Variants in DIXDC1 observed in about 807,000 individuals in gnomAD.
DIXDC1 encodes dixin.
In DIXDC1, 64 loss-of-function variants were observed where a neutral mutation model predicts 103.1. The observed-to-expected ratio is 0.62, with a 90% CI of 0.51 to 0.76. The LOEUF (loss-of-function observed/expected upper bound fraction) is 0.76, where lower values mean the gene tolerates loss of function less well. Ranked by LOEUF, DIXDC1 falls within the 30% of genes least tolerant of loss-of-function variation. The probability of loss-of-function intolerance (pLI) is 0.00; values close to 1 mark genes in which losing one functional copy is unlikely to be tolerated. For synonymous variants in DIXDC1, 266 were observed against 298.5 expected (o/e 0.89, Z 1.12); for missense variants, 759 against 834.2 (o/e 0.91, Z 1.11).
At chr11:111,933,590 T>A (rs1298624875), upstream of DIXDC1, among the ~76,000 whole-genome samples, 1 of 150,644 alleles carries the variant, frequency 6.6e-6, no homozygotes, top group African/African-American at 2.4e-5. Flanking sequence ...CCACCATGAG[T>A]GGCTAATTTT....
chr11:111,980,886 A>C (rs1566523825), intron 6 of DIXDC1, 37 bp downstream of exon 6: 1 of 1,567,024 alleles, frequency 6.4e-7, no homozygotes, highest in Non-Finnish European at 8.8e-7. Context: ...GGTTCAAGGA[A>C]CAGTCAGCTT....
At chr11:111,960,908 G>C (rs587737587) in intron 1 of DIXDC1, among the ~76,000 whole-genome samples, 2 of 152,308 alleles carry the variant, frequency 1.3e-5, no homozygotes, top group Admixed American at 6.5e-5. Flanking sequence ...GAAAGCTTGG[G>C]AAGATAAATC....
At chr11:112,011,838 G>T (rs1555177233) in intron 17 of DIXDC1, among the ~76,000 whole-genome samples, 1 of 152,112 alleles carries the variant, frequency 6.6e-6, no homozygotes, top group Non-Finnish European at 1.5e-5. Flanking sequence ...AGCATTAGGA[G>T]AAATACCTAA....
At chr11:111,996,238 CTTGTAGTACTTCACTT>C in intron 17 of DIXDC1, 92 bp downstream of exon 17, 1 of 1,075,582 alleles carries the variant, frequency 9.3e-7, no homozygotes, top group Non-Finnish European at 1.3e-6. Context: ...TGTAATTTTT[CTTGTAGTACTTCACTT>C]TTATACTATT....
intron 17 of DIXDC1, among the ~76,000 whole-genome samples, chr11:112,012,504 T>A (rs1305139437): frequency 5.9e-5 from 9 of 152,162 alleles, no homozygotes; most frequent in African/African-American, 2.2e-4. Context: ...TAAAGATCTA[T>A]TTTTTTAAGT....
chr11:111,978,024 G>A (rs587640417), intron 5 of DIXDC1, among the ~76,000 whole-genome samples: 12 of 152,168 alleles, frequency 7.9e-5, no homozygotes, highest in African/African-American at 2.7e-4. Context: ...GGTGGGGGAG[G>A]GCACTTCATG....
chr11:111,943,975 A>G (rs936960325), intron 1 of DIXDC1, among the ~76,000 whole-genome samples: 1 of 152,236 alleles, frequency 6.6e-6, no homozygotes, highest in African/African-American at 2.4e-5. Flanking sequence ...CCAATTAGCC[A>G]TCAAATTCAA....
chr11:112,018,704 T>C (rs1354838384), intron 19 of DIXDC1, among the ~76,000 whole-genome samples: 1 of 152,224 alleles, frequency 6.6e-6, no homozygotes, highest in Non-Finnish European at 1.5e-5. Flanking sequence ...ACTTTGTGAT[T>C]GGTAATTTAT....
chr11:111,939,315 C>A lies in DIXDC1; in HGVS notation c.60+1756C>A, dbSNP rs587755535. On this transcript the variant is annotated intron_variant, in intron 1 of 19. Transcript: ENST00000440460. ...CATGCTTTGGTGCTTCCATAAATAT[C>A]CCCTGACCTCCAATTCTTGAAAAAC... Among the ~76,000 whole-genome samples, 8 of 152,296 alleles carry A rather than the reference C, an allele frequency of 5.3e-5. No homozygotes were observed. In the South Asian group the frequency reaches 1.7e-3, roughly 32 times the overall value.
At chr11:111,948,414 C>G (rs146044319) in intron 1 of DIXDC1, among the ~76,000 whole-genome samples, 12 of 152,304 alleles carry the variant, frequency 7.9e-5, no homozygotes, top group African/African-American at 2.9e-4. Flanking sequence ...TCAGTCACTT[C>G]AAGCACTTTC....
chr11:111,976,189 G>A lies in DIXDC1; in HGVS notation c.656+1206G>A, dbSNP rs1442545887. On this transcript the variant is annotated intron_variant, in intron 5 of 19. Transcript: ENST00000440460. This position sits in a 1 kb window ranked among gnomAD's most constrained non-coding sequence, Gnocchi z 4.3. ...CTGGAGCGGAATTACAGGATGTTTTGTTGTATTGCTTCCTGCACTTCTGCA... is the reference window on the plus strand; with the variant it reads ...CTGGAGCGGAATTACAGGATGTTTTATTGTATTGCTTCCTGCACTTCTGCA... 6.6e-6 allele frequency among the ~76,000 whole-genome samples: 1 copy of A among 152,194 alleles called. No homozygotes were observed.
intron 15 of DIXDC1, 105 bp from the exon 16 acceptor site, chr11:111,995,298 T>C (rs1860858009): frequency 6.7e-7 from 1 of 1,490,216 alleles, no homozygotes; most frequent in African/African-American, 1.4e-5. Flanking sequence ...GGCCTGCTTC[T>C]GTGGGGGAAA....
At chr11:111,988,393 A>G (rs587753466) in intron 9 of DIXDC1, among the ~76,000 whole-genome samples, 18 of 152,342 alleles carry the variant, frequency 1.2e-4, no homozygotes, top group Non-Finnish European at 2.2e-4. Context: ...TACAATAGGA[A>G]GAGAAGAGAT....
intron 17 of DIXDC1, among the ~76,000 whole-genome samples, chr11:112,014,106 G>A (rs1555177469): frequency 6.6e-6 from 1 of 152,090 alleles, no homozygotes; most frequent in Non-Finnish European, 1.5e-5. Context: ...TTCCCATTAG[G>A]CCCCACCTCC....
chr11:111,938,850 C>T (rs1396545323), intron 1 of DIXDC1, among the ~76,000 whole-genome samples: 1 of 152,216 alleles, frequency 6.6e-6, no homozygotes, highest in African/African-American at 2.4e-5. Context: ...ACAACCTTCA[C>T]TGAAGGGCGG....
intron 1 of DIXDC1, among the ~76,000 whole-genome samples, chr11:111,950,607 C>T (rs1244885303): frequency 6.6e-6 from 1 of 151,092 alleles, no homozygotes; most frequent in African/African-American, 2.4e-5. Context: ...AGGCGTGTGC[C>T]ACCATGCCCA....
intron 1 of DIXDC1, among the ~76,000 whole-genome samples, chr11:111,963,876 GC>G (rs1859648385): frequency 6.6e-6 from 1 of 152,128 alleles, no homozygotes; most frequent in Non-Finnish European, 1.5e-5. Context: ...GCTCACTATA[GC>G]CTTTCTTTTT....
In DIXDC1 at chr11:111,939,247, C is replaced by T. The variant is rs186977301; in HGVS notation, c.60+1688C>T. 8.0e-3 allele frequency among the ~76,000 whole-genome samples: 1,214 copies of T among 152,310 alleles called. 7 individuals carry two copies. Among genetic ancestry groups the T allele is most frequent in the Middle Eastern group, 0.051 (15 of 294 alleles). On this transcript the variant is annotated intron_variant, in intron 1 of 19. Coordinates refer to ENST00000440460, the MANE Select transcript of DIXDC1 (RefSeq NM_001037954.4). Reference sequence around the variant, plus strand: ...TGCTCATTTTCACTTCGAAACCTTTCGACTGAAGAGCCACCTAAACTAAGA... The same window carrying T: ...TGCTCATTTTCACTTCGAAACCTTTTGACTGAAGAGCCACCTAAACTAAGA...
intron 1 of DIXDC1, among the ~76,000 whole-genome samples, chr11:111,963,358 G>A (rs1266211029): frequency 3.3e-5 from 5 of 152,286 alleles, no homozygotes; most frequent in African/African-American, 1.2e-4. Flanking sequence ...CCTACAGTTT[G>A]TCAGTGGCTG....
Sources: gnomAD v4.1 joint callset for allele counts (sites outside exome capture counted in the v4.1 genomes callset) on GRCh38, gnomAD v4.1.1 for gene constraint, Gnocchi (gnomAD v3.1) non-coding constraint, MANE v1.5 for transcripts, NCBI Gene and HGNC (gene_info 2026-07-23, HGNC 2026-07-21) for gene names.